Variants in SYT1 observed in about 807,000 individuals in gnomAD.
SYT1 encodes the protein synaptotagmin-1.
A neutral mutation model predicts 44.8 loss-of-function variants in SYT1; 8 were observed. That is an observed-to-expected ratio of 0.18 (90% CI 0.10 to 0.32). The LOEUF (loss-of-function observed/expected upper bound fraction) is 0.32, where lower values mean the gene tolerates loss of function less well. SYT1 is among the 10% of genes least tolerant of loss of function. The pLI is 1.00. For synonymous variants in SYT1, 154 were observed against 188.8 expected, an observed-to-expected ratio of 0.82 and a Z score of 1.51; for missense variants, 286 against 509.3, an observed-to-expected ratio of 0.56 and a Z score of 4.22.
At chr12:79,050,942 A>G (rs1874432809) in intron 3 of SYT1, among the ~76,000 whole-genome samples, 1 of 152,050 alleles carries the variant, frequency 6.6e-6, no homozygotes, top group Non-Finnish European at 1.5e-5. Context: ...CACCTATTCT[A>G]ATATTTTCAT....
chr12:78,877,083 T>C (rs552851908), intron 1 of SYT1, among the ~76,000 whole-genome samples: 1 of 149,286 alleles, frequency 6.7e-6, no homozygotes, highest in African/African-American at 2.5e-5. Flanking sequence ...AGAATATTTA[T>C]TGAATGAGTG....
intron 1 of SYT1, among the ~76,000 whole-genome samples, chr12:78,896,592 C>T (rs1223264113): frequency 6.6e-6 from 1 of 151,696 alleles, no homozygotes; most frequent in African/African-American, 2.4e-5. Context: ...AACCACCCTC[C>T]CCAAGGGGAA....
At chr12:79,130,430 T>A (rs945032294) in intron 3 of SYT1, among the ~76,000 whole-genome samples, 4 of 152,204 alleles carry the variant, frequency 2.6e-5, no homozygotes, top group Non-Finnish European at 5.9e-5. Flanking sequence ...ATCGTATTGT[T>A]CATAAGCAGT....
At chr12:79,194,209 C>T (rs1259329295) in intron 3 of SYT1, among the ~76,000 whole-genome samples, 1 of 152,010 alleles carries the variant, frequency 6.6e-6, no homozygotes, top group African/African-American at 2.4e-5. Flanking sequence ...AAAAAGATCA[C>T]CACACTTGGT....
At chr12:79,119,075 C>T (rs1290687212) in intron 3 of SYT1, among the ~76,000 whole-genome samples, 1 of 151,980 alleles carries the variant, frequency 6.6e-6, no homozygotes, top group Non-Finnish European at 1.5e-5. Context: ...TTCTCCATTA[C>T]CCCTAATATA....
intron 1 of SYT1, among the ~76,000 whole-genome samples, chr12:78,876,818 C>A (rs183642559): frequency 0.33 from 3,294 of 10,100 alleles, 554 homozygotes; most frequent in African/African-American, 0.5. Flanking sequence ...TAATACATAT[C>A]ATATATTATA....
intron 2 of SYT1, among the ~76,000 whole-genome samples, chr12:79,018,609 A>G (rs1360103092): frequency 1.3e-5 from 2 of 152,078 alleles, no homozygotes; most frequent in Non-Finnish European, 1.5e-5. Context: ...CCTTGGTTGG[A>G]TGGGCCAAAC....
intron 3 of SYT1, among the ~76,000 whole-genome samples, chr12:79,173,839 C>T (rs1444306271): frequency 6.6e-6 from 1 of 151,896 alleles, no homozygotes; most frequent in African/African-American, 2.4e-5. Context: ...ATTTAGGAGG[C>T]AAGGATAAGG....
chr12:78,898,864 G>A (rs922971951), intron 1 of SYT1, among the ~76,000 whole-genome samples: 4 of 152,066 alleles, frequency 2.6e-5, no homozygotes, highest in African/African-American at 9.7e-5. Context: ...CATTTGAAAT[G>A]GATACTTACA....
chr12:79,052,716 CAAAAG>C (rs1230926672), intron 3 of SYT1, among the ~76,000 whole-genome samples: 2 of 152,172 alleles, frequency 1.3e-5, no homozygotes, highest in Admixed American at 1.3e-4. Context: ...AGACGCTTCT[CAAAAG>C]AAGACATTTA....
rs115473889 is a variant in SYT1, at chr12:79,319,807, A to G, written c.810+20256A>G. Among the ~76,000 whole-genome samples the G allele has an allele frequency of 7.4e-3, 1,121 of 152,234 alleles. 15 individuals carry two copies. Among genetic ancestry groups the G allele is most frequent in the African/African-American group, 0.026 (1,070 of 41,538 alleles). ...TATTCCCCATCCTTTGCTTTATTCCATTCCACAATAGTGCAAGTTCCTGGA... is the reference window on the plus strand; with the variant it reads ...TATTCCCCATCCTTTGCTTTATTCCGTTCCACAATAGTGCAAGTTCCTGGA... On this transcript the variant is annotated intron_variant, in intron 8 of 10. Transcript: ENST00000261205.
chr12:78,873,372 A>C (rs959253561), intron 1 of SYT1, among the ~76,000 whole-genome samples: 4 of 151,714 alleles, frequency 2.6e-5, no homozygotes, highest in Non-Finnish European at 4.4e-5. Flanking sequence ...AAAAATAAGA[A>C]AGATTTGATA....
At chr12:79,308,949 T>A (rs940529964) in intron 8 of SYT1, among the ~76,000 whole-genome samples, 1 of 152,240 alleles carries the variant, frequency 6.6e-6, no homozygotes, top group African/African-American at 2.4e-5. Flanking sequence ...TCCAAAACCA[T>A]AGCTATTACA....
chr12:79,207,258 G>T (rs571174110), intron 3 of SYT1, among the ~76,000 whole-genome samples: 4 of 152,226 alleles, frequency 2.6e-5, no homozygotes, highest in South Asian at 2.1e-4. Flanking sequence ...AGGAGCTATC[G>T]ATGGGCACAC....
intron 3 of SYT1, among the ~76,000 whole-genome samples, chr12:79,047,579 G>A (rs897553274): frequency 1.3e-5 from 2 of 151,704 alleles, no homozygotes; most frequent in African/African-American, 4.8e-5. Flanking sequence ...ATACATTTAT[G>A]GGGCAGAAAA....
intron 1 of SYT1, among the ~76,000 whole-genome samples, chr12:78,972,497 C>A (rs1868447188): frequency 1.3e-5 from 2 of 149,778 alleles, no homozygotes; most frequent in South Asian, 2.1e-4. Flanking sequence ...ATTAAGGGTG[C>A]CATAAGCAAA....
intron 2 of SYT1, among the ~76,000 whole-genome samples, chr12:79,021,172 T>C (rs549482083): frequency 6.6e-6 from 1 of 152,064 alleles, no homozygotes; most frequent in African/African-American, 2.4e-5. Context: ...ACTCCTTAGA[T>C]ATACCATTTT....
chr12:79,320,690 C>T (rs1472442306), intron 8 of SYT1, among the ~76,000 whole-genome samples: 2 of 137,428 alleles, frequency 1.5e-5, no homozygotes, highest in East Asian at 4.4e-4. Flanking sequence ...GGTGCGATCT[C>T]AGCTCACTGC....
chr12:79,127,862 T>C (rs939404462), intron 3 of SYT1, among the ~76,000 whole-genome samples: 3 of 152,214 alleles, frequency 2.0e-5, no homozygotes, highest in Admixed American at 2.0e-4. Flanking sequence ...ATTAATATTG[T>C]TTAATGTTGT....
Sources: gnomAD v4.1 joint callset for allele counts (sites outside exome capture counted in the v4.1 genomes callset) on GRCh38, gnomAD v4.1.1 for gene constraint, MANE v1.5 for transcripts, NCBI Gene and HGNC (gene_info 2026-07-23, HGNC 2026-07-21) for gene names.